DOCK3: variants seen among roughly 807,000 people sequenced by gnomAD.
The protein encoded by DOCK3 is dedicator of cytokinesis 3.
Under a neutral mutation model 265.6 loss-of-function variants are expected in DOCK3, and 60 were observed. The ratio of observed to expected loss-of-function variants is 0.23; its 90% CI spans 0.18 to 0.28. The LOEUF (loss-of-function observed/expected upper bound fraction) is 0.28. Among genes scored for constraint, DOCK3 ranks in the 10% least tolerant of loss-of-function variants. The pLI, the probability that DOCK3 is intolerant of heterozygous loss-of-function variation, is 1.00. For missense variants in DOCK3, 1,981 were observed against 2,594.3 expected, an observed-to-expected ratio of 0.76 and a Z score of 5.14; for synonymous variants, 881 against 938.0, an observed-to-expected ratio of 0.94 and a Z score of 1.11.
At chr3:51,318,885 A>AT (rs1437610709) in intron 32 of DOCK3, among the ~76,000 whole-genome samples, 1 of 152,040 alleles carries the variant, frequency 6.6e-6, no homozygotes, top group Non-Finnish European at 1.5e-5. Context: ...AATTCAACTG[A>AT]TTTTTATATA....
intron 2 of DOCK3, among the ~76,000 whole-genome samples, chr3:50,807,604 A>T (rs2043508069): frequency 6.6e-6 from 1 of 152,226 alleles, no homozygotes; most frequent in African/African-American, 2.4e-5. Context: ...TAGTATATAC[A>T]GTAAGGTAGG....
chr3:51,079,090 T>C (rs2109411973), intron 7 of DOCK3, among the ~76,000 whole-genome samples: 1 of 152,328 alleles, frequency 6.6e-6, no homozygotes, highest in South Asian at 2.1e-4. Flanking sequence ...AGATTTTGTG[T>C]TAACATGTAA....
In DOCK3 at chr3:51,355,867, T is replaced by C. The variant is rs888349582; in HGVS notation, c.4250-222T>C. ...ACATCTCACCTTGGCTGAGTGCTCA[T>C]GAAACTCAACTACTAGAGCAGGGAG... On this transcript the variant is annotated intron_variant, in intron 41 of 52. Coordinates refer to ENST00000266037, the MANE Select transcript of DOCK3 (RefSeq NM_004947.5). 2.6e-5 allele frequency among the ~76,000 whole-genome samples: 4 copies of C among 152,126 alleles called. No homozygotes were observed. The South Asian group carries it at 6.2e-4, about 24-fold the overall frequency.
At chr3:51,009,924 A>G (rs941409373) in intron 5 of DOCK3, among the ~76,000 whole-genome samples, 7 of 152,232 alleles carry the variant, frequency 4.6e-5, no homozygotes, top group East Asian at 1.9e-4. Context: ...GTAGTTGAGC[A>G]GTTTTGAGTG....
intron 48 of DOCK3, among the ~76,000 whole-genome samples, chr3:51,362,241 C>T (rs900170185): frequency 4.6e-5 from 7 of 152,200 alleles, no homozygotes; most frequent in East Asian, 3.8e-4. Flanking sequence ...GGAGATCCCA[C>T]GGGAAAGATC....
intron 35 of DOCK3, among the ~76,000 whole-genome samples, chr3:51,333,729 A>G (rs570827457): frequency 2.6e-5 from 4 of 152,260 alleles, no homozygotes; most frequent in African/African-American, 9.6e-5. Context: ...CAATGCCTAT[A>G]TTCTTTATCT....
At chr3:51,061,922 C>T (rs2081424882) in intron 5 of DOCK3, among the ~76,000 whole-genome samples, 2 of 152,198 alleles carry the variant, frequency 1.3e-5, no homozygotes, top group South Asian at 4.2e-4. Flanking sequence ...GCATGCTTTC[C>T]AGGCCACAAA....
chr3:50,714,115 C>A (rs568597478), intron 1 of DOCK3, among the ~76,000 whole-genome samples: 29 of 152,226 alleles, frequency 1.9e-4, no homozygotes, highest in African/African-American at 6.7e-4. Context: ...CCTGCCCCAG[C>A]CTCCTAAGTG....
At chr3:50,940,750 A>G (rs1234440086) in intron 5 of DOCK3, among the ~76,000 whole-genome samples, 1 of 152,180 alleles carries the variant, frequency 6.6e-6, no homozygotes. Context: ...AGGGACCAAG[A>G]TAGAGCCTGA....
chr3:51,197,490 C>T (rs1296001210), intron 12 of DOCK3, among the ~76,000 whole-genome samples: 1 of 152,122 alleles, frequency 6.6e-6, no homozygotes, highest in Non-Finnish European at 1.5e-5. Context: ...TCTCCAGGAA[C>T]TCGGGTGGCA....
At chr3:51,356,590 G>A (rs1472903307) in intron 43 of DOCK3, 97 bp downstream of exon 43, 34 of 1,287,540 alleles carry the variant, frequency 2.6e-5, no homozygotes, top group Middle Eastern at 1.9e-4. Context: ...AGAGAGCGTC[G>A]GCCACCTGCC....
At chr3:51,283,498 G>A (rs949925074) in intron 27 of DOCK3, among the ~76,000 whole-genome samples, 7 of 152,274 alleles carry the variant, frequency 4.6e-5, no homozygotes, top group African/African-American at 1.7e-4. Flanking sequence ...CAGAGAAAGG[G>A]CTCCAAAAAT....
At chr3:50,935,516 G>T (rs931454566) in intron 5 of DOCK3, among the ~76,000 whole-genome samples, 1 of 152,176 alleles carries the variant, frequency 6.6e-6, no homozygotes, top group African/African-American at 2.4e-5. Flanking sequence ...TTTCCATGGA[G>T]AAACCTGTGG....
At chr3:51,313,581 G>A (rs2083210695) in intron 31 of DOCK3, among the ~76,000 whole-genome samples, 1 of 152,204 alleles carries the variant, frequency 6.6e-6, no homozygotes. Context: ...GTAGAGTTCT[G>A]AGTGGCCTGT....
At chr3:50,722,735 G>A (rs993860321) in intron 1 of DOCK3, among the ~76,000 whole-genome samples, 1 of 150,958 alleles carries the variant, frequency 6.6e-6, no homozygotes, top group Admixed American at 6.6e-5. Context: ...TGGACAACAT[G>A]TATGAACAGA....
chr3:51,275,057 A>G (rs748679090), intron 24 of DOCK3, 22 bp from the exon 25 acceptor site: 3 of 1,613,582 alleles, frequency 1.9e-6, no homozygotes, highest in Admixed American at 3.3e-5. Flanking sequence ...AGTTTTCTTC[A>G]CCTTTGTATT....
chr3:51,187,887 G>A (rs919873967), intron 12 of DOCK3, among the ~76,000 whole-genome samples: 3 of 150,482 alleles, frequency 2.0e-5, no homozygotes, highest in Non-Finnish European at 2.9e-5. Context: ...TTTGTAAATT[G>A]CCCAGTTTGG....
At chr3:51,120,051 T>C (rs546241319) in intron 9 of DOCK3, among the ~76,000 whole-genome samples, 110 of 152,196 alleles carry the variant, frequency 7.2e-4, no homozygotes, top group African/African-American at 2.6e-3. Context: ...GCATTCTGGT[T>C]TTTGGAATTT....
At chr3:51,280,260 A>G (rs1236016903) in intron 27 of DOCK3, 56 bp downstream of exon 27, 3 of 1,526,494 alleles carry the variant, frequency 2.0e-6, no homozygotes, top group Non-Finnish European at 9.0e-7. Flanking sequence ...AGCACTCCCC[A>G]GGGGCTTTTT....
Sources: allele counts gnomAD v4.1 joint callset (sites outside exome capture counted in the v4.1 genomes callset), GRCh38; gene constraint gnomAD v4.1.1; transcripts MANE v1.5; gene names NCBI Gene and HGNC (gene_info 2026-07-23, HGNC 2026-07-21).